Variants in THSD7B observed in about 807,000 individuals in gnomAD.
THSD7B encodes thrombospondin type-1 domain-containing protein 7B.
In THSD7B, 138 loss-of-function variants were observed where a neutral mutation model predicts 213.6. The observed-to-expected ratio is 0.65, with a 90% CI of 0.56 to 0.74. THSD7B has a LOEUF of 0.74. THSD7B is among the 30% of genes least tolerant of loss of function. The pLI is 0.00. For synonymous variants in THSD7B, 742 were observed against 687.0 expected, an observed-to-expected ratio of 1.08 and a Z score of -1.25; for missense variants, 1,931 against 1,991.5, an observed-to-expected ratio of 0.97 and a Z score of 0.58.
intron 12 of THSD7B, among the ~76,000 whole-genome samples, chr2:137,297,965 G>A (rs1683507061): frequency 1.3e-5 from 2 of 152,146 alleles, no homozygotes; most frequent in Non-Finnish European, 1.5e-5. Flanking sequence ...TACCAGTAGA[G>A]TGGGGCATTG....
intron 14 of THSD7B, among the ~76,000 whole-genome samples, chr2:137,447,994 C>T (rs1004557123): frequency 6.6e-6 from 1 of 152,122 alleles, no homozygotes; most frequent in Non-Finnish European, 1.5e-5. Flanking sequence ...GAAGGAGTCT[C>T]ATCCATTTCT....
At chr2:137,576,474 A>G (rs749787947) in intron 17 of THSD7B, among the ~76,000 whole-genome samples, 49 of 152,120 alleles carry the variant, frequency 3.2e-4, no homozygotes, top group Non-Finnish European at 6.5e-4. Flanking sequence ...TCAAAAAGTG[A>G]CCAAAATCTT....
At chr2:137,290,250 C>T (rs372246929) in intron 12 of THSD7B, among the ~76,000 whole-genome samples, 18 of 151,890 alleles carry the variant, frequency 1.2e-4, no homozygotes, top group African/African-American at 3.6e-4. Flanking sequence ...CCACCATGCC[C>T]GGCTAATTTT....
At chr2:136,866,656 G>T (rs1014603486) in intron 1 of THSD7B, among the ~76,000 whole-genome samples, 1 of 152,274 alleles carries the variant, frequency 6.6e-6, no homozygotes, top group East Asian at 1.9e-4. Context: ...GAAAACATTT[G>T]TTTGGTATTT....
At chr2:137,203,092 G>A (rs72852273) in intron 7 of THSD7B, among the ~76,000 whole-genome samples, 9,557 of 152,074 alleles carry the variant, frequency 0.063, 423 homozygotes, top group Non-Finnish European at 0.089. Context: ...CGGTGTGATT[G>A]TTGATATTTT....
intron 20 of THSD7B, among the ~76,000 whole-genome samples, chr2:137,623,355 A>C (rs1005246570): frequency 3.9e-5 from 6 of 152,200 alleles, no homozygotes; most frequent in Non-Finnish European, 8.8e-5. Context: ...ATTTATGACA[A>C]AGTCACAGCC....
chr2:136,991,171 A>G (rs1317106160), intron 2 of THSD7B, among the ~76,000 whole-genome samples: 1 of 152,224 alleles, frequency 6.6e-6, no homozygotes, highest in African/African-American at 2.4e-5. Flanking sequence ...AGCAGTAATT[A>G]TGTGTCATAT....
intron 7 of THSD7B, among the ~76,000 whole-genome samples, chr2:137,176,981 T>C (rs1016591041): frequency 6.6e-6 from 1 of 152,310 alleles, no homozygotes; most frequent in East Asian, 1.9e-4. Flanking sequence ...ACAAAGATAC[T>C]TGGAAAGATA....
intron 19 of THSD7B, 91 bp from the exon 20 acceptor site, chr2:137,620,518 C>A: frequency 2.2e-6 from 2 of 926,930 alleles, no homozygotes; most frequent in Non-Finnish European, 3.4e-6. Context: ...GTTATTATCA[C>A]AGAGTAAAGG....
chr2:137,571,252 A>AT (rs1681350015), intron 16 of THSD7B, among the ~76,000 whole-genome samples: 1 of 152,118 alleles, frequency 6.6e-6, no homozygotes, highest in Non-Finnish European at 1.5e-5. Context: ...TCAACATTAT[A>AT]TTTTTGACTG....
intron 15 of THSD7B, among the ~76,000 whole-genome samples, chr2:137,546,369 TA>T (rs1680711896): frequency 1.9e-5 from 1 of 52,452 alleles, no homozygotes; most frequent in Non-Finnish European, 3.3e-5. Context: ...ATATTATATA[TA>T]TATATAATAT....
intron 10 of THSD7B, among the ~76,000 whole-genome samples, chr2:137,247,758 T>G (rs1165941723): frequency 6.6e-6 from 1 of 152,072 alleles, no homozygotes; most frequent in Non-Finnish European, 1.5e-5. Flanking sequence ...CCTCTTGAGT[T>G]TTCAGTATCA....
chr2:136,817,112 A>G (rs1026871926), intron 1 of THSD7B, among the ~76,000 whole-genome samples: 2 of 152,238 alleles, frequency 1.3e-5, no homozygotes, highest in South Asian at 2.1e-4. Flanking sequence ...CAATGCTAGC[A>G]GTAACATGCT....
At chr2:137,179,270 C>A (rs971601037) in intron 7 of THSD7B, among the ~76,000 whole-genome samples, 2 of 152,066 alleles carry the variant, frequency 1.3e-5, no homozygotes, top group Non-Finnish European at 2.9e-5. Context: ...CACTGTAATG[C>A]GAATAACAGG....
At chr2:136,877,179 T>G (rs920441119) in intron 1 of THSD7B, among the ~76,000 whole-genome samples, 3 of 152,194 alleles carry the variant, frequency 2.0e-5, no homozygotes, top group African/African-American at 7.2e-5. Flanking sequence ...CTTAAAAATA[T>G]TTTTACTTGA....
rs1490282370 is a variant in THSD7B at position 137,412,608 on chromosome 2, AAAC to A, written c.2959+739_2959+741del. Among the ~76,000 whole-genome samples, 126 of 146,544 alleles carry A rather than the reference AAAC, an allele frequency of 8.6e-4. 10 individuals carry two copies. The highest frequency in any genetic ancestry group is 1.7e-3 in the African/African-American group (68 of 40,102). On this transcript the variant is annotated intron_variant, in intron 14 of 27. Transcript: ENST00000409968. ...GCAAAACTCTGTCTCAAAAAAAAAA[AAAC>A]AAAAAAAAACAAAAAACAGTTTTAC...
At chr2:137,144,346 T>C (rs1419564461) in intron 5 of THSD7B, among the ~76,000 whole-genome samples, 1 of 152,094 alleles carries the variant, frequency 6.6e-6, no homozygotes, top group African/African-American at 2.4e-5. Flanking sequence ...CCCTCTTTTA[T>C]TTAGTATTTC....
intron 2 of THSD7B, among the ~76,000 whole-genome samples, chr2:136,893,744 T>C (rs1300712358): frequency 6.6e-6 from 1 of 152,196 alleles, no homozygotes; most frequent in Non-Finnish European, 1.5e-5. Context: ...GATATTTCAC[T>C]AAAGTTCCCA....
At position 137,411,738 on chromosome 2, in the gene THSD7B, G is replaced by T. The variant is rs1037717485; in HGVS notation, c.2825G>T (p.Gly942Val). 1.2e-6 allele frequency: 2 copies of T among 1,613,806 alleles called. No homozygotes were observed. The highest frequency in any genetic ancestry group is 2.7e-5 in the African/African-American group (2 of 74,898). Residue 942 changes from glycine to valine, a missense_variant, in exon 14 of 28, where the codon GGC becomes GTC. By Grantham distance (109) the Gly-to-Val change is moderately radical. Transcript: ENST00000409968. Reference protein sequence around the residue: ...GNWSDCILPEGRREPHRGLRV... With the variant: ...GNWSDCILPEVRREPHRGLRV... The stretch of plus-strand genomic sequence containing the variant: ...TGGTCAGATTGCATTCTTCCAGAAG[G>T]CAGAAGGGAGCCTCACCGAGGACTG...
Sources: allele counts gnomAD v4.1 joint callset (sites outside exome capture counted in the v4.1 genomes callset), GRCh38; gene constraint gnomAD v4.1.1; transcripts MANE v1.5; gene names NCBI Gene and HGNC (gene_info 2026-07-23, HGNC 2026-07-21).